GFRA2: variants seen among roughly 807,000 people sequenced by gnomAD.
GFRA2 encodes GDNF family receptor alpha 2.
A neutral mutation model predicts 48.3 loss-of-function variants in GFRA2; 17 were observed. The ratio of observed to expected loss-of-function variants is 0.35; its 90% CI spans 0.24 to 0.53. The LOEUF (loss-of-function observed/expected upper bound fraction) is 0.53. Among genes scored for constraint, GFRA2 ranks in the 20% least tolerant of loss-of-function variants. GFRA2 has a pLI of 0.93. For synonymous variants in GFRA2, 305 were observed against 257.2 expected (o/e 1.19, Z -1.78); for missense variants, 660 against 637.3 (o/e 1.04, Z -0.38).
intron 1 of GFRA2, among the ~76,000 whole-genome samples, chr8:21,809,695 A>G (rs898526060): frequency 1.6e-4 from 24 of 152,286 alleles, no homozygotes; most frequent in African/African-American, 5.5e-4. Flanking sequence ...CCCCTGCATC[A>G]TCGCACTGTG....
intron 4 of GFRA2, among the ~76,000 whole-genome samples, chr8:21,724,056 T>G (rs1180333027): frequency 1.3e-5 from 2 of 152,194 alleles, no homozygotes; most frequent in Non-Finnish European, 2.9e-5. Flanking sequence ...AGAGGCCATC[T>G]GCCCACAGAG....
intron 3 of GFRA2, among the ~76,000 whole-genome samples, chr8:21,770,785 C>G (rs1243559112): frequency 6.6e-6 from 1 of 152,208 alleles, no homozygotes; most frequent in Non-Finnish European, 1.5e-5. Flanking sequence ...TTCATCACCA[C>G]TTTGATGTCC....
At chr8:21,739,000 A>C (rs1804620651) in intron 4 of GFRA2, among the ~76,000 whole-genome samples, 1 of 152,162 alleles carries the variant, frequency 6.6e-6, no homozygotes, top group Non-Finnish European at 1.5e-5. Context: ...GCAGCTGCTG[A>C]GTGAGCATCT....
intron 2 of GFRA2, among the ~76,000 whole-genome samples, chr8:21,801,228 G>A (rs1807764249): frequency 1.3e-5 from 2 of 152,054 alleles, no homozygotes; most frequent in South Asian, 4.2e-4. Context: ...TCAGACCCAG[G>A]AATATGAATG....
At chr8:21,703,101 G>A (rs990809871) in intron 6 of GFRA2, 124 bp from the exon 7 acceptor site, 3 of 556,642 alleles carry the variant, frequency 5.4e-6, no homozygotes, top group Non-Finnish European at 9.2e-6. Context: ...GCCAGGACAG[G>A]GCATAGCACA....
intron 3 of GFRA2, among the ~76,000 whole-genome samples, chr8:21,753,971 A>G (rs1370210389): frequency 6.6e-6 from 1 of 152,150 alleles, no homozygotes; most frequent in Non-Finnish European, 1.5e-5. Flanking sequence ...TTGGCCTGGA[A>G]GTCTCTCCCT....
chr8:21,788,082 T>TCC, intron 1 of GFRA2, 38 bp downstream of exon 1: 4 of 690,438 alleles, frequency 5.8e-6, no homozygotes, highest in Non-Finnish European at 9.1e-6. Flanking sequence ...CCCCGGCTTC[T>TCC]CGCCTCCCCC....
At chr8:21,717,940 A>G (rs1234066391) in intron 4 of GFRA2, among the ~76,000 whole-genome samples, 1 of 152,230 alleles carries the variant, frequency 6.6e-6, no homozygotes, top group East Asian at 1.9e-4. Flanking sequence ...CCCAGCCATG[A>G]GATCCAATTT....
rs1801893710 is a variant in GFRA2 at position 21,691,853 on chromosome 8, A to G, written c.*1425T>C. On this transcript the variant is annotated 3_prime_UTR_variant, in exon 9 of 9. Coordinates refer to ENST00000524240, the MANE Select transcript of GFRA2 (RefSeq NM_001495.5). ...CAGCTCCTAAGAGAGCTCCATCTAC[A>G]CACAATGTGGACACATGGGTGAGAC... 1 of 152,558 alleles carries G rather than the reference A, an allele frequency of 6.6e-6. No homozygotes were observed. Among genetic ancestry groups the G allele is most frequent in the Non-Finnish European group, 1.5e-5 (1 of 68,146 alleles). 9.5% of individuals were successfully genotyped at this position (152,558 alleles called of 1,614,324 possible).
chr8:21,777,721 G>A (rs1359065166), intron 2 of GFRA2, among the ~76,000 whole-genome samples: 2 of 152,208 alleles, frequency 1.3e-5, no homozygotes, highest in Non-Finnish European at 1.5e-5. Context: ...TGAGGAAAAC[G>A]GGGCCCAGGC....
intron 4 of GFRA2, among the ~76,000 whole-genome samples, chr8:21,729,556 T>A (rs963755410): frequency 6.6e-6 from 1 of 152,110 alleles, no homozygotes; most frequent in South Asian, 2.1e-4. Flanking sequence ...CAGAGAAAAC[T>A]GGGCTTCACT....
At chr8:21,715,442 G>A (rs989219525) in intron 4 of GFRA2, among the ~76,000 whole-genome samples, 25 of 152,172 alleles carry the variant, frequency 1.6e-4, no homozygotes, top group African/African-American at 4.3e-4. Flanking sequence ...CCAAGCAGTC[G>A]GGGCTATAGG....
intron 2 of GFRA2, among the ~76,000 whole-genome samples, chr8:21,798,122 GC>G (rs1807710994): frequency 6.6e-6 from 1 of 152,156 alleles, no homozygotes; most frequent in Non-Finnish European, 1.5e-5. Context: ...AAGCAATGAA[GC>G]CCAGGATTCT....
chr8:21,744,265 C>T (rs1297273016), intron 4 of GFRA2, among the ~76,000 whole-genome samples: 1 of 152,178 alleles, frequency 6.6e-6, no homozygotes, highest in Non-Finnish European at 1.5e-5. Flanking sequence ...GCCCAACTTC[C>T]TCTGCTTCCC....
In GFRA2 at chr8:21,693,980, C is replaced by CAT. The variant is rs377685512; in HGVS notation, c.1272+482_1272+483dup. Among the ~76,000 whole-genome samples the CAT allele has an allele frequency of 4.2e-3, 608 of 145,310 alleles. 3 individuals are homozygous for CAT. Among genetic ancestry groups the CAT allele is most frequent in the African/African-American group, 0.014 (568 of 39,542 alleles). ...AAGTTACTGTCTTGGGTCTATAAGT[C>CAT]ATATATATATATACGTCATATACAT... On this transcript the variant is annotated intron_variant, in intron 8 of 8. Transcript: ENST00000524240.
chr8:21,690,627 G>A lies in GFRA2; in HGVS notation c.*2651C>T, dbSNP rs954150727. On this transcript the variant is annotated 3_prime_UTR_variant, in exon 9 of 9. Transcript: ENST00000524240. ...TGGGAAATTTTCTCTCCCCCATGAT[G>A]TAGCCTAAGGGCTTACCTCCTATTA... 2.0e-5 allele frequency: 3 copies of A among 152,126 alleles called. No individual in the cohort carries two copies. The highest frequency in any genetic ancestry group is 2.0e-4 in the Admixed American group (3 of 15,280). The allele number at this position is 152,126 out of a possible 1,614,324, so 9.4% of individuals were successfully genotyped here.
chr8:21,711,720 T>C (rs1803042798), intron 4 of GFRA2, among the ~76,000 whole-genome samples: 2 of 151,122 alleles, frequency 1.3e-5, no homozygotes, highest in Non-Finnish European at 2.9e-5. Flanking sequence ...TCTTGGGTGT[T>C]TCTCGCAGAG....
chr8:21,705,256 A>C, intron 5 of GFRA2, 131 bp from the exon 6 acceptor site: 2 of 799,908 alleles, frequency 2.5e-6, no homozygotes, highest in Non-Finnish European at 3.9e-6. Flanking sequence ...CAAAACACAC[A>C]TCCATCCCAA....
rs1802712651 is a variant in GFRA2, at chr8:21,705,844, G to C, written c.904+88C>G. 5 of 812,314 alleles carry C rather than the reference G, an allele frequency of 6.2e-6. No individual in the cohort carries two copies. The South Asian group carries it at 8.5e-5, about 14-fold the overall frequency. 50.3% of individuals were successfully genotyped at this position (812,314 alleles called of 1,614,324 possible). A position where few individuals can be genotyped will look rare whatever the true frequency, so the allele number is the denominator to read the frequency against. ...GGCCGGGCTCAGGCTGTCTCCCCCA[G>C]CTGGCCCTGAGCTGGGCTGCGGCCC... On this transcript the variant is annotated intron_variant, in intron 5 of 8. Transcript: ENST00000524240.
Sources: allele counts gnomAD v4.1 joint callset (sites outside exome capture counted in the v4.1 genomes callset), GRCh38; gene constraint gnomAD v4.1.1; transcripts MANE v1.5; gene names NCBI Gene and HGNC (gene_info 2026-07-23, HGNC 2026-07-21).